The following GRID2 variants were observed in gnomAD, a reference collection of about 807,000 sequenced individuals.
GRID2 encodes glutamate ionotropic receptor delta type subunit 2.
Under a neutral mutation model 114.8 loss-of-function variants are expected in GRID2, and 33 were observed. The ratio of observed to expected loss-of-function variants is 0.29; its 90% CI spans 0.22 to 0.38. The LOEUF (loss-of-function observed/expected upper bound fraction) is 0.38. Among genes scored for constraint, GRID2 ranks in the 10% least tolerant of loss-of-function variants. The pLI, the probability that GRID2 is intolerant of heterozygous loss-of-function variation, is 1.00. For synonymous variants in GRID2, 505 were observed against 449.9 expected, an observed-to-expected ratio of 1.12 and a Z score of -1.55; for missense variants, 1,184 against 1,257.7, an observed-to-expected ratio of 0.94 and a Z score of 0.89.
At chr4:92,794,875 TA>T (rs1739778379) in intron 2 of GRID2, among the ~76,000 whole-genome samples, 20 of 17,556 alleles carry the variant, frequency 1.1e-3, no homozygotes, top group South Asian at 2.8e-3. Context: ...ATAATTGTTT[TA>T]TATATATATA....
At chr4:93,039,212 A>C (rs1725242944) in intron 2 of GRID2, among the ~76,000 whole-genome samples, 1 of 152,018 alleles carries the variant, frequency 6.6e-6, no homozygotes, top group African/African-American at 2.4e-5. Flanking sequence ...GCAAGCTAAC[A>C]CAGGAACAGA....
intron 14 of GRID2, among the ~76,000 whole-genome samples, chr4:93,727,187 T>A (rs1729998575): frequency 6.6e-6 from 1 of 152,250 alleles, no homozygotes; most frequent in Non-Finnish European, 1.5e-5. Flanking sequence ...TGAGAGTTTT[T>A]AGCATGAAGG....
At chr4:93,065,777 A>G (rs1728238625) in intron 2 of GRID2, among the ~76,000 whole-genome samples, 1 of 151,900 alleles carries the variant, frequency 6.6e-6, no homozygotes, top group Admixed American at 6.6e-5. Flanking sequence ...AACTGTTAAC[A>G]GTTCATTTTT....
intron 2 of GRID2, among the ~76,000 whole-genome samples, chr4:92,923,225 GTA>G (rs1161442642): frequency 2.6e-5 from 4 of 152,114 alleles, no homozygotes; most frequent in African/African-American, 9.7e-5. Context: ...GGAAATTGAA[GTA>G]TATACTATCA....
chr4:92,433,461 C>T (rs1732570338), intron 1 of GRID2, among the ~76,000 whole-genome samples: 1 of 152,196 alleles, frequency 6.6e-6, no homozygotes, highest in African/African-American at 2.4e-5. Flanking sequence ...GGCTAGGTCT[C>T]ATCTAAGTGC....
chr4:93,132,874 A>T (rs1734930662), intron 4 of GRID2, among the ~76,000 whole-genome samples: 1 of 152,298 alleles, frequency 6.6e-6, no homozygotes, highest in African/African-American at 2.4e-5. Flanking sequence ...CTTCCAGCAT[A>T]TTTAAATGAG....
chr4:92,899,421 T>C (rs1747404057), intron 2 of GRID2, among the ~76,000 whole-genome samples: 1 of 152,152 alleles, frequency 6.6e-6, no homozygotes, highest in African/African-American at 2.4e-5. Flanking sequence ...CCTAAGTCAT[T>C]TTCACAAGTG....
chr4:93,153,076 C>A (rs1042014816), intron 4 of GRID2, among the ~76,000 whole-genome samples: 3 of 152,020 alleles, frequency 2.0e-5, no homozygotes, highest in Non-Finnish European at 4.4e-5. Flanking sequence ...ATTGAATATT[C>A]TTTGAATAGT....
At chr4:93,692,357 G>A (rs1211749865) in intron 14 of GRID2, among the ~76,000 whole-genome samples, 1 of 152,100 alleles carries the variant, frequency 6.6e-6, no homozygotes. Flanking sequence ...AAAGTACTGA[G>A]GTGGGGACAT....
intron 1 of GRID2, among the ~76,000 whole-genome samples, chr4:92,420,786 G>C (rs1338645205): frequency 6.6e-6 from 1 of 152,176 alleles, no homozygotes; most frequent in African/African-American, 2.4e-5. Context: ...CTGGGTTCAA[G>C]TGATTCTTAT....
intron 8 of GRID2, among the ~76,000 whole-genome samples, chr4:93,254,428 G>C (rs1749337849): frequency 6.6e-6 from 1 of 152,092 alleles, no homozygotes; most frequent in East Asian, 1.9e-4. Context: ...TGCTCATGAA[G>C]AGAAAACCAC....
At chr4:93,446,385 A>G (rs945776447) in intron 10 of GRID2, among the ~76,000 whole-genome samples, 1 of 152,054 alleles carries the variant, frequency 6.6e-6, no homozygotes, top group Admixed American at 6.6e-5. Context: ...AGAGCTGAAC[A>G]GTACATTGCA....
chr4:92,922,379 G>C (rs140591933), intron 2 of GRID2, among the ~76,000 whole-genome samples: 26 of 152,156 alleles, frequency 1.7e-4, no homozygotes, highest in African/African-American at 6.3e-4. Flanking sequence ...ACAATCCCCA[G>C]TGAGATGAAC....
intron 4 of GRID2, among the ~76,000 whole-genome samples, chr4:93,167,249 C>T: frequency 6.6e-6 from 1 of 152,100 alleles, no homozygotes; most frequent in Non-Finnish European, 1.5e-5. Context: ...AATTCATACT[C>T]TAGAGGCACC....
intron 4 of GRID2, among the ~76,000 whole-genome samples, chr4:93,144,218 G>A (rs1226616513): frequency 6.6e-6 from 1 of 152,122 alleles, no homozygotes; most frequent in African/African-American, 2.4e-5. Context: ...TCAAGATGAT[G>A]GAGATGAAGC....
chr4:93,213,993 A>G (rs1743890154), intron 5 of GRID2, among the ~76,000 whole-genome samples: 2 of 152,098 alleles, frequency 1.3e-5, no homozygotes, highest in South Asian at 2.1e-4. Flanking sequence ...TTAAGTCGCT[A>G]AAAAATACTT....
At chr4:93,184,507 C>CAAAA (rs1170737672) in intron 4 of GRID2, among the ~76,000 whole-genome samples, 1 of 79,554 alleles carries the variant, frequency 1.3e-5, no homozygotes, top group Non-Finnish European at 2.9e-5. Context: ...TATTATTTCT[C>CAAAA]AAAAAAAAAA....
chr4:92,803,040 A>G (rs1740249419), intron 2 of GRID2, among the ~76,000 whole-genome samples: 1 of 151,954 alleles, frequency 6.6e-6, no homozygotes, highest in African/African-American at 2.4e-5. Flanking sequence ...TTTTGAAGAC[A>G]ATATTTGTTG....
At chr4:93,764,520 C>T (rs1027121227) in intron 14 of GRID2, among the ~76,000 whole-genome samples, 2 of 152,032 alleles carry the variant, frequency 1.3e-5, no homozygotes, top group Non-Finnish European at 2.9e-5. Context: ...TTCCGCGTGC[C>T]AGGTAATGAG....
Sources: allele counts gnomAD v4.1 joint callset (sites outside exome capture counted in the v4.1 genomes callset), GRCh38; gene constraint gnomAD v4.1.1; transcripts MANE v1.5; gene names NCBI Gene and HGNC (gene_info 2026-07-23, HGNC 2026-07-21).